GABRB2: variants seen among roughly 807,000 people sequenced by gnomAD.
The protein encoded by GABRB2 is gamma-aminobutyric acid receptor subunit beta-2.
GABRB2 carries 16 observed loss-of-function variants against 54.7 expected under a neutral mutation model. That is an observed-to-expected ratio of 0.29 (90% CI 0.20 to 0.44). The LOEUF is 0.44. GABRB2 is among the 20% of genes least tolerant of loss of function. GABRB2 has a pLI of 1.00. For missense variants in GABRB2, 355 were observed against 644.0 expected, an observed-to-expected ratio of 0.55 and a Z score of 4.86; for synonymous variants, 244 against 233.8, an observed-to-expected ratio of 1.04 and a Z score of -0.40.
intron 4 of GABRB2, among the ~76,000 whole-genome samples, chr5:161,439,958 C>T (rs968385953): frequency 1.3e-5 from 2 of 148,974 alleles, no homozygotes; most frequent in African/African-American, 5.0e-5. Context: ...ACATCTAGCA[C>T]ATGTACTCTG....
rs936696466 is a variant in GABRB2, at chr5:161,361,217, A to T, written c.542-24448T>A. On this transcript the variant is annotated intron_variant, in intron 5 of 9. Coordinates refer to ENST00000393959, the MANE Select transcript of GABRB2 (RefSeq NM_001371727.1). ...TCCTAATTTGAACAACCAAATTGTT[A>T]AAAAAATGATATATCTAAATATATA... is the stretch of plus-strand genomic sequence containing the variant. Among the ~76,000 whole-genome samples the T allele has an allele frequency of 5.9e-5, 9 of 151,820 alleles. 1 individual carries two copies. The highest frequency in any genetic ancestry group is 1.9e-4 in the African/African-American group (8 of 41,216).
At chr5:161,327,917 GTAT>G (rs1174685772) in intron 8 of GABRB2, among the ~76,000 whole-genome samples, 1 of 152,040 alleles carries the variant, frequency 6.6e-6, no homozygotes, top group Non-Finnish European at 1.5e-5. Flanking sequence ...AAATGGGGTG[GTAT>G]TATTCATGAT....
At chr5:161,500,369 A>G (rs147054206) in intron 3 of GABRB2, among the ~76,000 whole-genome samples, 6 of 152,108 alleles carry the variant, frequency 3.9e-5, no homozygotes, top group African/African-American at 1.4e-4. Flanking sequence ...ATGACCCTGA[A>G]GTCAATATAG....
chr5:161,385,393 T>C (rs910249352), intron 5 of GABRB2, among the ~76,000 whole-genome samples: 4 of 152,192 alleles, frequency 2.6e-5, no homozygotes, highest in Non-Finnish European at 4.4e-5. Context: ...AGAAGCTCTC[T>C]CATTTGAAAA....
chr5:161,334,924 A>C lies in GABRB2; in HGVS notation c.680-20T>G, dbSNP rs748186664. The C allele has an allele frequency of 1.2e-5, 19 of 1,611,102 alleles. No homozygotes were observed. Among genetic ancestry groups the C allele is most frequent in the Non-Finnish European group, 1.6e-5 (19 of 1,177,690 alleles). On this transcript the variant is annotated intron_variant, in intron 6 of 9. Coordinates refer to ENST00000393959, the MANE Select transcript of GABRB2 (RefSeq NM_001371727.1). ...AGGAACCTAGAAAGGCAATTTTAGA[A>C]CATCATCATTATCAATCAATATTTA...
At chr5:161,447,825 A>G (rs185427804) in intron 4 of GABRB2, among the ~76,000 whole-genome samples, 28 of 152,140 alleles carry the variant, frequency 1.8e-4, no homozygotes, top group Non-Finnish European at 3.2e-4. Flanking sequence ...TCTTCTACCT[A>G]TTTTTTTCTC....
intron 3 of GABRB2, among the ~76,000 whole-genome samples, chr5:161,463,039 C>T (rs368177075): frequency 1.5e-4 from 23 of 152,034 alleles, no homozygotes; most frequent in Admixed American, 1.1e-3. Flanking sequence ...CCTTGATCCA[C>T]GTTATCACCA....
At chr5:161,310,293 G>A (rs1363781409) in intron 9 of GABRB2, among the ~76,000 whole-genome samples, 1 of 152,096 alleles carries the variant, frequency 6.6e-6, no homozygotes, top group African/African-American at 2.4e-5. Context: ...AAACCTGCAC[G>A]TGTACCCCTG....
chr5:161,309,850 C>T lies in GABRB2; in HGVS notation c.1192-15422G>A, dbSNP rs937541351. ...GTTTCACCGTGTTAGCCAGGATGGT[C>T]TCGATCTCCTGACCTCGTGATCTGC... On this transcript the variant is annotated intron_variant, in intron 9 of 9. Transcript: ENST00000393959. Among the ~76,000 whole-genome samples, 4 of 152,140 alleles carry T rather than the reference C, an allele frequency of 2.6e-5. No individual in the cohort carries two copies. In the East Asian group the frequency reaches 7.7e-4, roughly 29 times the overall value.
intron 3 of GABRB2, among the ~76,000 whole-genome samples, chr5:161,490,641 A>C (rs1468084748): frequency 6.6e-6 from 1 of 151,720 alleles, no homozygotes; most frequent in Non-Finnish European, 1.5e-5. Flanking sequence ...TCAGTTTTAC[A>C]GAAGAGGAAA....
At chr5:161,340,514 A>T (rs1754126122) in intron 5 of GABRB2, among the ~76,000 whole-genome samples, 1 of 151,934 alleles carries the variant, frequency 6.6e-6, no homozygotes. Context: ...ACACCCAATA[A>T]AGAGAACTCT....
intron 3 of GABRB2, among the ~76,000 whole-genome samples, chr5:161,478,840 GAGAGACAAAA>G (rs1409974643): frequency 1.2e-4 from 18 of 152,066 alleles, no homozygotes; most frequent in African/African-American, 4.1e-4. Flanking sequence ...AACTGGCAGA[GAGAGACAAAA>G]AGTGCTATGT....
intron 5 of GABRB2, among the ~76,000 whole-genome samples, chr5:161,364,144 A>ATG (rs1561623266): frequency 3.3e-5 from 5 of 152,142 alleles, no homozygotes; most frequent in African/African-American, 1.2e-4. Flanking sequence ...GTCATTTTTA[A>ATG]TGTATATATA....
intron 5 of GABRB2, among the ~76,000 whole-genome samples, chr5:161,381,577 T>A (rs1250778252): frequency 6.6e-6 from 1 of 152,088 alleles, no homozygotes; most frequent in Admixed American, 6.6e-5. Context: ...GAAGAGGAGA[T>A]GGGCTTTATT....
intron 3 of GABRB2, among the ~76,000 whole-genome samples, chr5:161,508,475 C>T (rs1759673455): frequency 6.6e-6 from 1 of 151,604 alleles, no homozygotes; most frequent in Admixed American, 6.6e-5. Context: ...GACCCAGAAC[C>T]CATGACTACT....
At chr5:161,500,259 A>G (rs967288054) in intron 3 of GABRB2, among the ~76,000 whole-genome samples, 3 of 152,046 alleles carry the variant, frequency 2.0e-5, no homozygotes, top group African/African-American at 7.2e-5. Flanking sequence ...TGAGACTCAG[A>G]TTTGGTTTTA....
intron 9 of GABRB2, among the ~76,000 whole-genome samples, chr5:161,325,324 C>A (rs1270811168): frequency 1.3e-5 from 2 of 152,054 alleles, no homozygotes; most frequent in Non-Finnish European, 2.9e-5. Flanking sequence ...TAGTGATTAA[C>A]AAAATTTCAA....
chr5:161,485,456 C>T (rs1459313544), intron 3 of GABRB2, among the ~76,000 whole-genome samples: 1 of 151,910 alleles, frequency 6.6e-6, no homozygotes, highest in Non-Finnish European at 1.5e-5. Context: ...TTTCATTGAG[C>T]TGAGCATCAT....
chr5:161,531,214 C>A (rs1378520056), intron 3 of GABRB2, among the ~76,000 whole-genome samples: 3 of 152,106 alleles, frequency 2.0e-5, no homozygotes, highest in African/African-American at 2.4e-5. Context: ...CTTTTAACAT[C>A]TCTGCTTCTT....
Sources: allele counts gnomAD v4.1 joint callset (sites outside exome capture counted in the v4.1 genomes callset), GRCh38; gene constraint gnomAD v4.1.1; transcripts MANE v1.5; gene names NCBI Gene and HGNC (gene_info 2026-07-23, HGNC 2026-07-21).